LRFN5: variants seen among roughly 807,000 people sequenced by gnomAD.
LRFN5 encodes the protein leucine rich repeat and fibronectin type III domain containing 5, also known as leucine-rich repeat and fibronectin type-III domain-containing protein 5.
A neutral mutation model predicts 45.6 loss-of-function variants in LRFN5; 24 were observed. The observed-to-expected ratio is 0.53, with a 90% CI of 0.38 to 0.74. The LOEUF (loss-of-function observed/expected upper bound fraction) is 0.74. Ranked by LOEUF, LRFN5 falls within the 30% of genes least tolerant of loss-of-function variation. The probability of loss-of-function intolerance (pLI) is 0.00; values close to 1 mark genes in which losing one functional copy is unlikely to be tolerated. For synonymous variants in LRFN5, 340 were observed against 313.8 expected, an observed-to-expected ratio of 1.08 and a Z score of -0.88; for missense variants, 776 against 861.5, an observed-to-expected ratio of 0.90 and a Z score of 1.24.
Position 41,904,231 on chromosome 14 carries a change from G to A in LRFN5, c.*56G>A, listed in dbSNP as rs1891187356. The A allele has an allele frequency of 3.8e-6, 6 of 1,596,800 alleles. No homozygotes were observed. The South Asian group carries it at 6.6e-5, about 18-fold the overall frequency. On this transcript the variant is annotated 3_prime_UTR_variant, in exon 6 of 6. Transcript: ENST00000298119. ...AAATTTGCCACTGATATTTTTACTG[G>A]ATAAAATTCAAAAATGTTTCAATTC...
chr14:41,844,281 C>CA (rs1287798778), intron 2 of LRFN5, among the ~76,000 whole-genome samples: 1 of 151,562 alleles, frequency 6.6e-6, no homozygotes, highest in Non-Finnish European at 1.5e-5. Context: ...ACTAAAAATA[C>CA]AAAAAATTAG....
At chr14:41,704,159 C>T (rs1034206413) in intron 1 of LRFN5, among the ~76,000 whole-genome samples, 1 of 152,108 alleles carries the variant, frequency 6.6e-6, no homozygotes, top group Non-Finnish European at 1.5e-5. Flanking sequence ...CTGCATTGCG[C>T]TTATTTGAAT....
intron 1 of LRFN5, among the ~76,000 whole-genome samples, chr14:41,733,945 C>G (rs2138800485): frequency 6.7e-6 from 1 of 148,628 alleles, no homozygotes; most frequent in South Asian, 2.1e-4. Flanking sequence ...TTCTTCAGTT[C>G]TATTAATATT....
chr14:41,866,539 G>A (rs1049600058), intron 2 of LRFN5, among the ~76,000 whole-genome samples: 2 of 152,104 alleles, frequency 1.3e-5, no homozygotes, highest in African/African-American at 4.8e-5. Context: ...TCTCCAAAAT[G>A]TGCAAATAAA....
At chr14:41,872,708 C>G (rs1890058067) in intron 2 of LRFN5, among the ~76,000 whole-genome samples, 2 of 152,140 alleles carry the variant, frequency 1.3e-5, no homozygotes, top group Non-Finnish European at 2.9e-5. Context: ...TGTAAGCAGC[C>G]TGCTGTGAAG....
intron 2 of LRFN5, among the ~76,000 whole-genome samples, chr14:41,847,435 T>C (rs935549751): frequency 2.6e-5 from 4 of 152,114 alleles, no homozygotes; most frequent in African/African-American, 9.7e-5. Flanking sequence ...CCTGAAAAAG[T>C]TCCTAACATC....
intron 1 of LRFN5, among the ~76,000 whole-genome samples, chr14:41,644,614 T>C (rs1478550689): frequency 6.6e-6 from 1 of 152,132 alleles, no homozygotes; most frequent in Admixed American, 6.6e-5. Context: ...TGTATATGTG[T>C]GTGTACTGGC....
At chr14:41,645,531 C>T (rs1041424818) in intron 1 of LRFN5, among the ~76,000 whole-genome samples, 29 of 151,074 alleles carry the variant, frequency 1.9e-4, no homozygotes, top group African/African-American at 6.8e-4. Flanking sequence ...TTTTAAGTCT[C>T]AAACTAGAAT....
At position 41,849,493 on chromosome 14, in the gene LRFN5, C is replaced by G. The variant is rs1430663233; in HGVS notation, c.-20-37113C>G. Among the ~76,000 whole-genome samples, 5 of 151,670 alleles carry G rather than the reference C, an allele frequency of 3.3e-5. No homozygotes were observed. The East Asian group carries it at 9.7e-4, about 29-fold the overall frequency. On this transcript the variant is annotated intron_variant, in intron 2 of 5. Coordinates refer to ENST00000298119, the MANE Select transcript of LRFN5 (RefSeq NM_152447.5). ...TCTTTTCAGACTCTGCCAGACTGCACTGCAATTACTGGGACACCTCCTTGT... is the reference window on the plus strand; with the variant it reads ...TCTTTTCAGACTCTGCCAGACTGCAGTGCAATTACTGGGACACCTCCTTGT...
At chr14:41,677,537 A>T (rs1188959688) in intron 1 of LRFN5, among the ~76,000 whole-genome samples, 2 of 152,152 alleles carry the variant, frequency 1.3e-5, no homozygotes, top group Non-Finnish European at 2.9e-5. Flanking sequence ...AATACAGAAT[A>T]TTAATAAAGA....
chr14:41,846,102 A>G (rs1889052094), intron 2 of LRFN5, among the ~76,000 whole-genome samples: 1 of 152,112 alleles, frequency 6.6e-6, no homozygotes, highest in Admixed American at 6.6e-5. Context: ...AAATCTTGAA[A>G]TCCAGCAAAC....
intron 2 of LRFN5, among the ~76,000 whole-genome samples, chr14:41,775,242 C>G (rs1244949598): frequency 3.9e-5 from 6 of 151,996 alleles, no homozygotes; most frequent in Admixed American, 3.9e-4. Context: ...AGGCGCCCAC[C>G]ACCAGGCCCG....
At chr14:41,675,033 C>T (rs1881545039) in intron 1 of LRFN5, among the ~76,000 whole-genome samples, 1 of 151,932 alleles carries the variant, frequency 6.6e-6, no homozygotes, top group Non-Finnish European at 1.5e-5. Context: ...CTCCTCACTT[C>T]CTAGATGGGA....
chr14:41,667,903 A>G (rs1880980783), intron 1 of LRFN5, among the ~76,000 whole-genome samples: 1 of 152,166 alleles, frequency 6.6e-6, no homozygotes, highest in Non-Finnish European at 1.5e-5. Context: ...TTCAGTGTGC[A>G]ATGGCATCTT....
intron 2 of LRFN5, among the ~76,000 whole-genome samples, chr14:41,768,983 T>A (rs1389028775): frequency 6.6e-6 from 1 of 152,164 alleles, no homozygotes; most frequent in African/African-American, 2.4e-5. Context: ...GTTTTTTAAA[T>A]TAGCAGTCCA....
At chr14:41,641,424 C>G (rs1046305765) in intron 1 of LRFN5, among the ~76,000 whole-genome samples, 2 of 152,006 alleles carry the variant, frequency 1.3e-5, no homozygotes, top group African/African-American at 2.4e-5. Flanking sequence ...GGAAGACTAA[C>G]ATTTTGGTTA....
At chr14:41,617,737 C>G (rs973576178) in intron 1 of LRFN5, among the ~76,000 whole-genome samples, 1 of 152,010 alleles carries the variant, frequency 6.6e-6, no homozygotes, top group African/African-American at 2.4e-5. Flanking sequence ...GGGTGATTTG[C>G]CCTCTTTAAT....
At chr14:41,677,404 C>T (rs750078523) in intron 1 of LRFN5, among the ~76,000 whole-genome samples, 3 of 151,966 alleles carry the variant, frequency 2.0e-5, no homozygotes, top group African/African-American at 4.8e-5. Flanking sequence ...GCAGTAGAAA[C>T]TTCCTCTGAA....
intron 2 of LRFN5, among the ~76,000 whole-genome samples, chr14:41,846,024 C>A (rs968928755): frequency 9.3e-5 from 14 of 150,824 alleles, no homozygotes; most frequent in Non-Finnish European, 1.5e-4. Context: ...CCTTCCATAA[C>A]TGTTATAAAA....
Sources: allele counts gnomAD v4.1 joint callset (sites outside exome capture counted in the v4.1 genomes callset), GRCh38; gene constraint gnomAD v4.1.1; transcripts MANE v1.5; gene names NCBI Gene and HGNC (gene_info 2026-07-23, HGNC 2026-07-21).